Variants in DLC1 observed in about 807,000 individuals in gnomAD.
DLC1 encodes rho GTPase-activating protein 7.
A neutral mutation model predicts 140.3 loss-of-function variants in DLC1; 54 were observed. The observed-to-expected ratio is 0.38, with a 90% CI of 0.31 to 0.48. The LOEUF is 0.48. DLC1 is among the 20% of genes least tolerant of loss of function. The pLI is 0.96. For missense variants in DLC1, 2,536 were observed against 1,907.0 expected (o/e 1.33, Z -6.14); for synonymous variants, 986 against 728.1 (o/e 1.35, Z -5.70).
intron 1 of DLC1, among the ~76,000 whole-genome samples, chr8:13,529,338 A>G (rs148737319): frequency 6.6e-6 from 1 of 152,324 alleles, no homozygotes; most frequent in South Asian, 2.1e-4. Flanking sequence ...TTAGACATGC[A>G]TTATACCCTA....
intron 5 of DLC1, among the ~76,000 whole-genome samples, chr8:13,211,825 C>T (rs1335538239): frequency 6.6e-6 from 1 of 152,096 alleles, no homozygotes; most frequent in Non-Finnish European, 1.5e-5. Context: ...AAAACAAACC[C>T]CCAAATTGAG....
At chr8:13,261,961 G>A (rs1174941763) in intron 5 of DLC1, among the ~76,000 whole-genome samples, 4 of 152,090 alleles carry the variant, frequency 2.6e-5, no homozygotes, top group Non-Finnish European at 5.9e-5. Flanking sequence ...TGTCTAATAG[G>A]TGTTTAGCTT....
At chr8:13,578,338 T>C (rs1351053156) in intron 1 of DLC1, among the ~76,000 whole-genome samples, 1 of 152,166 alleles carries the variant, frequency 6.6e-6, no homozygotes, top group Non-Finnish European at 1.5e-5. Flanking sequence ...AAACAAACTG[T>C]GTTTTCGTAC....
chr8:13,386,190 T>C (rs982387386), intron 4 of DLC1, among the ~76,000 whole-genome samples: 4 of 152,186 alleles, frequency 2.6e-5, no homozygotes, highest in African/African-American at 9.6e-5. Context: ...ATGACTAAAG[T>C]CTTAGGTTGC....
At chr8:13,260,798 G>A (rs1830442985) in intron 5 of DLC1, among the ~76,000 whole-genome samples, 1 of 151,974 alleles carries the variant, frequency 6.6e-6, no homozygotes, top group African/African-American at 2.4e-5. Flanking sequence ...ATAAGGGAGG[G>A]GTAACTGATT....
intron 5 of DLC1, among the ~76,000 whole-genome samples, chr8:13,289,276 C>T (rs1374422277): frequency 1.3e-5 from 2 of 151,948 alleles, no homozygotes; most frequent in African/African-American, 4.8e-5. Flanking sequence ...ATCATAGCTC[C>T]AACTCCTGAG....
intron 4 of DLC1, among the ~76,000 whole-genome samples, chr8:13,381,144 G>A (rs1836233644): frequency 6.6e-6 from 1 of 152,134 alleles, no homozygotes; most frequent in Non-Finnish European, 1.5e-5. Context: ...GGCTGTATTA[G>A]TATGAGCTAA....
In DLC1 at chr8:13,567,696, T is replaced by C. The variant is rs1160881349; in HGVS notation, c.-126+36841A>G. ...TCCAAGAGAGAATAGATGAACATCT[T>C]CATACCAAAGACTTTCTCACCCGTA... On this transcript the variant is annotated intron_variant, in intron 1 of 1. Transcript: ENST00000631382. 3.9e-6 allele frequency: 6 copies of C among 1,551,910 alleles called. No individual in the cohort carries two copies. The African/African-American group carries it at 4.1e-5, about 11-fold the overall frequency.
chr8:13,226,014 T>C (rs1030681356), intron 5 of DLC1, among the ~76,000 whole-genome samples: 6 of 152,100 alleles, frequency 3.9e-5, no homozygotes, highest in Non-Finnish European at 8.8e-5. Flanking sequence ...CAGGGCTCAA[T>C]TGATCCTCCC....
At chr8:13,188,806 T>C (rs1247997449) in intron 5 of DLC1, among the ~76,000 whole-genome samples, 9 of 40,002 alleles carry the variant, frequency 2.2e-4, no homozygotes, top group Admixed American at 9.7e-4. Flanking sequence ...TGTGTGTATA[T>C]ATATATATAT....
At chr8:13,474,642 C>T (rs373407877) in intron 2 of DLC1, among the ~76,000 whole-genome samples, 24 of 152,290 alleles carry the variant, frequency 1.6e-4, no homozygotes, top group East Asian at 9.7e-4. Flanking sequence ...CGGAGCCACA[C>T]GGGTGGAGCC....
At chr8:13,143,843 AG>A (rs2128972817) in intron 5 of DLC1, among the ~76,000 whole-genome samples, 1 of 148,204 alleles carries the variant, frequency 6.7e-6, no homozygotes, top group African/African-American at 2.6e-5. Context: ...AGAGAGAGAG[AG>A]AGAGAGAGAC....
At chr8:13,119,637 G>T (rs1305256759) in intron 5 of DLC1, among the ~76,000 whole-genome samples, 2 of 152,106 alleles carry the variant, frequency 1.3e-5, no homozygotes, top group African/African-American at 4.8e-5. Context: ...AGATAGAGAA[G>T]TAACCACCTC....
chr8:13,494,898 C>T (rs534269215), intron 2 of DLC1, among the ~76,000 whole-genome samples: 10 of 152,054 alleles, frequency 6.6e-5, no homozygotes, highest in African/African-American at 2.4e-4. Context: ...TTGCAATGGG[C>T]GGAGATCACA....
At chr8:13,542,841 T>C (rs945689984) in intron 1 of DLC1, among the ~76,000 whole-genome samples, 1 of 152,154 alleles carries the variant, frequency 6.6e-6, no homozygotes, top group Non-Finnish European at 1.5e-5. Context: ...GTTAAATCAG[T>C]TATTGGTTCT....
chr8:13,308,501 T>C (rs1047714350), intron 4 of DLC1, among the ~76,000 whole-genome samples: 1 of 152,212 alleles, frequency 6.6e-6, no homozygotes, highest in Non-Finnish European at 1.5e-5. Context: ...ATTACATTGT[T>C]AAATTTCTGA....
rs1211479691 is a variant in DLC1 at position 13,421,349 on chromosome 8, T to C, written c.1024-19730A>G. ...CCCCTAAAGTACCCAGTAGCGTCTATGCACAGAGTAGGATTCAAAAATATT... is the reference window on the plus strand; with the variant it reads ...CCCCTAAAGTACCCAGTAGCGTCTACGCACAGAGTAGGATTCAAAAATATT... On this transcript the variant is annotated intron_variant, in intron 2 of 17. Coordinates refer to ENST00000276297, the MANE Select transcript of DLC1 (RefSeq NM_182643.3). Among the ~76,000 whole-genome samples, 3 of 152,144 alleles carry C rather than the reference T, an allele frequency of 2.0e-5. No individual in the cohort carries two copies. In the East Asian group the frequency reaches 5.8e-4, roughly 29 times the overall value.
chr8:13,189,769 C>A (rs1050858424), intron 5 of DLC1, among the ~76,000 whole-genome samples: 21 of 152,048 alleles, frequency 1.4e-4, no homozygotes, highest in Non-Finnish European at 2.2e-4. Flanking sequence ...GTAGTCCCAG[C>A]TACTCGGGAG....
At chr8:13,278,228 A>G (rs1320634712) in intron 5 of DLC1, among the ~76,000 whole-genome samples, 1 of 152,244 alleles carries the variant, frequency 6.6e-6, no homozygotes, top group African/African-American at 2.4e-5. Context: ...GGCCAATTCC[A>G]AATGAAAATC....
Sources: gnomAD v4.1 joint callset for allele counts (sites outside exome capture counted in the v4.1 genomes callset) on GRCh38, gnomAD v4.1.1 for gene constraint, MANE v1.5 for transcripts, NCBI Gene and HGNC (gene_info 2026-07-23, HGNC 2026-07-21) for gene names.